Variants in TMEM117 observed in about 807,000 individuals in gnomAD.
TMEM117 encodes the protein transmembrane protein 117.
TMEM117 carries 27 observed loss-of-function variants against 52.4 expected under a neutral mutation model. The ratio of observed to expected loss-of-function variants is 0.51; its 90% CI spans 0.38 to 0.71. TMEM117 has a LOEUF of 0.71. Ranked by LOEUF, TMEM117 falls within the 30% of genes least tolerant of loss-of-function variation. TMEM117 has a pLI of 0.00. For synonymous variants in TMEM117, 215 were observed against 206.3 expected, an observed-to-expected ratio of 1.04 and a Z score of -0.36; for missense variants, 556 against 630.5, an observed-to-expected ratio of 0.88 and a Z score of 1.26.
At chr12:43,940,543 TAC>T (rs1188003883) in intron 2 of TMEM117, among the ~76,000 whole-genome samples, 1 of 152,044 alleles carries the variant, frequency 6.6e-6, no homozygotes, top group Admixed American at 6.6e-5. Context: ...TCATTTTATA[TAC>T]ACTTTTTTTT....
At chr12:44,273,382 A>T (rs972409805) in intron 5 of TMEM117, among the ~76,000 whole-genome samples, 1 of 151,402 alleles carries the variant, frequency 6.6e-6, no homozygotes, top group Admixed American at 6.6e-5. Flanking sequence ...ACATATATAT[A>T]TATATTTAAA....
At chr12:43,987,310 G>A (rs1407133350) in intron 3 of TMEM117, among the ~76,000 whole-genome samples, 1 of 152,138 alleles carries the variant, frequency 6.6e-6, no homozygotes, top group African/African-American at 2.4e-5. Flanking sequence ...ATAAATTTCT[G>A]TTGGTTTAGT....
intron 2 of TMEM117, among the ~76,000 whole-genome samples, chr12:43,848,804 A>G (rs927005247): frequency 2.6e-5 from 4 of 152,222 alleles, no homozygotes; most frequent in African/African-American, 9.6e-5. Flanking sequence ...GTCCATATTA[A>G]GATGAAATCT....
chr12:44,141,487 C>T (rs776845679), intron 3 of TMEM117, among the ~76,000 whole-genome samples: 7 of 151,914 alleles, frequency 4.6e-5, no homozygotes, highest in East Asian at 1.9e-4. Flanking sequence ...TGTATCCAGC[C>T]GCCTGTCTCT....
At chr12:44,226,690 G>A (rs565407459) in intron 5 of TMEM117, among the ~76,000 whole-genome samples, 2 of 152,156 alleles carry the variant, frequency 1.3e-5, no homozygotes, top group South Asian at 4.1e-4. Flanking sequence ...TATGACTGGT[G>A]TCCGTATAAG....
chr12:44,151,570 G>A (rs1349807598), intron 4 of TMEM117, among the ~76,000 whole-genome samples: 1 of 134,128 alleles, frequency 7.5e-6, no homozygotes, highest in Non-Finnish European at 1.5e-5. Flanking sequence ...CATGTTTAAA[G>A]CAGTATTTAT....
intron 5 of TMEM117, among the ~76,000 whole-genome samples, chr12:44,226,995 A>C (rs952579529): frequency 3.9e-5 from 6 of 151,904 alleles, no homozygotes; most frequent in African/African-American, 1.5e-4. Flanking sequence ...TTTTTTTTTT[A>C]AATAAGGAGT....
intron 3 of TMEM117, among the ~76,000 whole-genome samples, chr12:44,115,585 T>A (rs747790309): frequency 1.3e-5 from 2 of 152,192 alleles, no homozygotes; most frequent in Non-Finnish European, 2.9e-5. Flanking sequence ...TTTTTGCTGT[T>A]ATTTGAATGA....
intron 3 of TMEM117, among the ~76,000 whole-genome samples, chr12:43,969,131 G>A (rs1372259101): frequency 2.6e-5 from 4 of 151,946 alleles, no homozygotes; most frequent in Non-Finnish European, 5.9e-5. Flanking sequence ...AGTAGAAAAT[G>A]CACTTTAATT....
At chr12:44,344,095 G>A (rs1405371645) in intron 6 of TMEM117, among the ~76,000 whole-genome samples, 1 of 152,146 alleles carries the variant, frequency 6.6e-6, no homozygotes, top group East Asian at 1.9e-4. Context: ...TGAGAAATAA[G>A]TAGGGAGAGC....
intron 3 of TMEM117, among the ~76,000 whole-genome samples, chr12:44,120,839 C>T (rs1350169143): frequency 6.6e-6 from 1 of 152,176 alleles, no homozygotes; most frequent in Non-Finnish European, 1.5e-5. Context: ...TCCCCATCCC[C>T]TTCATCTGTG....
chr12:43,796,840 G>C, the TMEM117 span: 2 of 908,706 alleles, frequency 2.2e-6, no homozygotes, highest in Non-Finnish European at 3.3e-6. Flanking sequence ...CAGGCACTTA[G>C]AGGAGATCCT....
chr12:44,251,951 A>T (rs559705924), intron 5 of TMEM117, among the ~76,000 whole-genome samples: 2 of 152,084 alleles, frequency 1.3e-5, no homozygotes, highest in East Asian at 3.9e-4. Context: ...CTTACTGCAG[A>T]TTCCTTACTT....
chr12:44,015,625 C>T (rs1397120847), intron 3 of TMEM117, among the ~76,000 whole-genome samples: 2 of 152,144 alleles, frequency 1.3e-5, no homozygotes, highest in African/African-American at 2.4e-5. Flanking sequence ...CAATTACCGA[C>T]ATGTACTGGT....
chr12:43,810,005 T>A, the TMEM117 span, among the ~76,000 whole-genome samples: 1 of 152,220 alleles, frequency 6.6e-6, no homozygotes, highest in Non-Finnish European at 1.5e-5. Context: ...TCTTTATTAT[T>A]TTCCCAAGTA....
chr12:43,949,154 A>T (rs925060501), intron 3 of TMEM117, among the ~76,000 whole-genome samples: 1 of 152,224 alleles, frequency 6.6e-6, no homozygotes, highest in African/African-American at 2.4e-5. Flanking sequence ...GCTAAGGGAC[A>T]TAAGGCAGAG....
intron 3 of TMEM117, among the ~76,000 whole-genome samples, chr12:43,946,378 G>GTTTTTTTTT (rs1244597058): frequency 4.4e-5 from 5 of 113,494 alleles, no homozygotes; most frequent in Middle Eastern, 4.5e-3. Flanking sequence ...ATATAATTCT[G>GTTTTTTTTT]TTTTTTTTTT....
At chr12:43,849,342 T>C (rs1943265756) in intron 2 of TMEM117, among the ~76,000 whole-genome samples, 1 of 152,174 alleles carries the variant, frequency 6.6e-6, no homozygotes, top group Admixed American at 6.5e-5. Flanking sequence ...GACCAAAATA[T>C]CCAGTTTGGA....
At chr12:44,250,411 A>G (rs1440991456) in intron 5 of TMEM117, among the ~76,000 whole-genome samples, 2 of 152,198 alleles carry the variant, frequency 1.3e-5, no homozygotes, top group East Asian at 1.9e-4. Flanking sequence ...TAGTTCAACC[A>G]TTGTGGAATA....
Sources: gnomAD v4.1 joint callset for allele counts (sites outside exome capture counted in the v4.1 genomes callset) on GRCh38, gnomAD v4.1.1 for gene constraint, MANE v1.5 for transcripts, NCBI Gene and HGNC (gene_info 2026-07-23, HGNC 2026-07-21) for gene names.